SRSF4: variants seen among roughly 807,000 people sequenced by gnomAD.
SRSF4 encodes serine and arginine rich splicing factor 4.
A neutral mutation model predicts 48.8 loss-of-function variants in SRSF4; 12 were observed. That is an observed-to-expected ratio of 0.25 (90% confidence interval 0.16 to 0.40). The LOEUF (loss-of-function observed/expected upper bound fraction) is 0.40. Ranked by LOEUF, SRSF4 falls within the 10% of genes least tolerant of loss-of-function variation. SRSF4 has a pLI of 1.00. For missense variants in SRSF4, 466 were observed against 667.1 expected (o/e 0.70, Z 3.32); for synonymous variants, 248 against 232.5 (o/e 1.07, Z -0.61).
chr1:29,149,701 A>G (rs1672375409), intron 5 of SRSF4, among the ~76,000 whole-genome samples: 1 of 137,198 alleles, frequency 7.3e-6, no homozygotes, highest in African/African-American at 2.5e-5. Context: ...AAAAAAAAAA[A>G]AAAAGAAAAA....
At chr1:29,158,993 G>C (rs1672550154) in intron 3 of SRSF4, among the ~76,000 whole-genome samples, 1 of 152,068 alleles carries the variant, frequency 6.6e-6, no homozygotes, top group Admixed American at 6.6e-5. Flanking sequence ...TGTAATCCCA[G>C]CTACTCAGGA....
intron 1 of SRSF4, among the ~76,000 whole-genome samples, chr1:29,174,615 T>G (rs1429177625): frequency 5.4e-5 from 8 of 148,266 alleles, no homozygotes; most frequent in Admixed American, 5.4e-4. Context: ...ATTCCAAGTT[T>G]GGAAAAAAAA....
intron 1 of SRSF4, 146 bp from the exon 2 acceptor site, chr1:29,160,663 A>G: frequency 1.2e-6 from 1 of 852,382 alleles, no homozygotes; most frequent in Non-Finnish European, 1.7e-6. Context: ...TCTTCAGGTG[A>G]AACCACTTTG....
chr1:29,152,184 T>G (rs1371544508), intron 4 of SRSF4, among the ~76,000 whole-genome samples: 1 of 152,194 alleles, frequency 6.6e-6, no homozygotes, highest in African/African-American at 2.4e-5. Context: ...TATTGCTAAT[T>G]TTGCTAGCTA....
chr1:29,157,803 A>C (rs1484063656), intron 3 of SRSF4, among the ~76,000 whole-genome samples: 1 of 152,232 alleles, frequency 6.6e-6, no homozygotes, highest in Non-Finnish European at 1.5e-5. Flanking sequence ...TGTTTCATGC[A>C]TCCTCCTAAG....
chr1:29,165,123 C>G (rs1672653041), intron 1 of SRSF4, among the ~76,000 whole-genome samples: 1 of 152,190 alleles, frequency 6.6e-6, no homozygotes, highest in African/African-American at 2.4e-5. Context: ...TGGTCACATT[C>G]TATCCTCACA....
intron 1 of SRSF4, among the ~76,000 whole-genome samples, chr1:29,180,299 T>C (rs1052151955): frequency 2.6e-5 from 4 of 152,158 alleles, no homozygotes; most frequent in African/African-American, 9.7e-5. Flanking sequence ...TACAATAACG[T>C]CTACCCGCCA....
intron 5 of SRSF4, 66 bp from the exon 6 acceptor site, chr1:29,149,292 C>A: frequency 1.3e-6 from 2 of 1,550,554 alleles, no homozygotes; most frequent in Non-Finnish European, 1.7e-6. Context: ...ATAAAAAGAC[C>A]AAAGGGCATA....
chr1:29,150,775 G>A (rs920352256), intron 4 of SRSF4, among the ~76,000 whole-genome samples: 1 of 151,992 alleles, frequency 6.6e-6, no homozygotes. Flanking sequence ...ATGGTTCCTC[G>A]TAACAGAAAT....
chr1:29,170,349 T>TA (rs370853009), intron 1 of SRSF4: 13 of 152,272 alleles, frequency 8.5e-5, no homozygotes, highest in African/African-American at 3.1e-4. Flanking sequence ...CTTAAAGAAA[T>TA]AAAGGTTTAC....
chr1:29,177,435 C>T (rs1295987930), intron 1 of SRSF4, among the ~76,000 whole-genome samples: 2 of 152,130 alleles, frequency 1.3e-5, no homozygotes, highest in Admixed American at 6.5e-5. Context: ...GCATGTGCCA[C>T]GACGCCCGGC....
At chr1:29,159,777 A>T (rs1672564969) in intron 2 of SRSF4, 1 of 234,232 alleles carries the variant, frequency 4.3e-6, no homozygotes, top group African/African-American at 2.3e-5. Flanking sequence ...ATAAGTAACC[A>T]AATTACTAAA....
At chr1:29,180,097 CT>C (rs1672931780) in intron 1 of SRSF4, among the ~76,000 whole-genome samples, 1 of 152,212 alleles carries the variant, frequency 6.6e-6, no homozygotes, top group East Asian at 1.9e-4. Flanking sequence ...TCTAATCTTC[CT>C]TTTCCACATG....
chr1:29,177,221 T>C (rs1417764312), intron 1 of SRSF4, among the ~76,000 whole-genome samples: 3 of 151,962 alleles, frequency 2.0e-5, no homozygotes, highest in Non-Finnish European at 4.4e-5. Flanking sequence ...CTGCTAATAT[T>C]GTTGCTTCCT....
chr1:29,165,142 CA>C (rs1672653573), intron 1 of SRSF4, among the ~76,000 whole-genome samples: 1 of 152,112 alleles, frequency 6.6e-6, no homozygotes, highest in South Asian at 2.1e-4. Flanking sequence ...CAAACCTAGT[CA>C]AAAGAATGAG....
chr1:29,149,497 T>TGG (rs982512551), intron 5 of SRSF4, among the ~76,000 whole-genome samples: 2 of 151,878 alleles, frequency 1.3e-5, no homozygotes, highest in African/African-American at 4.8e-5. Flanking sequence ...CTGGCCAACA[T>TGG]GGTGAAGCCC....
At chr1:29,153,910 C>T (rs1430356141) in intron 4 of SRSF4, among the ~76,000 whole-genome samples, 1 of 150,902 alleles carries the variant, frequency 6.6e-6, no homozygotes, top group Non-Finnish European at 1.5e-5. Context: ...CTCTGATTTC[C>T]CTTTTTGAGA....
chr1:29,148,822 T>C lies in SRSF4; in HGVS notation c.1073A>G (p.Lys358Arg). 1.2e-6 allele frequency: 2 copies of C among 1,608,472 alleles called. No homozygotes were observed. The highest frequency in any genetic ancestry group is 2.2e-5 in the East Asian group (1 of 44,758). The change falls in exon 6 of 6, where the codon AAG (lysine) becomes AGG (arginine). Residue 358 changes from lysine (K) to arginine (R), a missense_variant. Transcript: ENST00000373795. ...ACTGCGGCTCTCCTCTCTGCTTCTC[T>C]TCCTGCCCTTCCTCTTGTCCTTGCT... The part of the protein sequence containing the change: ...SKSKDKRKGR[K>R]RSREESRSRS...
intron 1 of SRSF4, among the ~76,000 whole-genome samples, chr1:29,165,712 A>T (rs1672660763): frequency 6.6e-6 from 1 of 152,208 alleles, no homozygotes; most frequent in Admixed American, 6.5e-5. Context: ...TGGGCAAGGC[A>T]TGACTAAGGG....
Sources: gnomAD v4.1 joint callset for allele counts (sites outside exome capture counted in the v4.1 genomes callset) on GRCh38, gnomAD v4.1.1 for gene constraint, MANE v1.5 for transcripts, NCBI Gene and HGNC (gene_info 2026-07-23, HGNC 2026-07-21) for gene names.